The following CFAP47 variants were observed in gnomAD, a reference collection of about 807,000 sequenced individuals.
CFAP47 encodes cilia and flagella associated protein 47, also known as cilia- and flagella-associated protein 47.
Under a neutral mutation model 148.1 loss-of-function variants are expected in CFAP47, and 29 were observed. The ratio of observed to expected loss-of-function variants is 0.20; its 90% CI spans 0.15 to 0.27. The LOEUF (loss-of-function observed/expected upper bound fraction) is 0.27, where lower values mean the gene tolerates loss of function less well. Ranked by LOEUF, CFAP47 falls within the 10% of genes least tolerant of loss-of-function variation. The probability of loss-of-function intolerance (pLI) is 1.00; values close to 1 mark genes in which losing one functional copy is unlikely to be tolerated. For missense variants in CFAP47, 1,872 were observed against 1,697.5 expected (o/e 1.10, Z -1.81); for synonymous variants, 664 against 577.3 (o/e 1.15, Z -2.15).
At chrX:36,253,265 T>C (rs1940713568) in intron 49 of CFAP47, among the ~76,000 whole-genome samples, 1 of 111,545 alleles carries the variant, frequency 9.0e-6, no homozygotes, top group Non-Finnish European at 1.9e-5. Context: ...TTTTGAAAAA[T>C]ATTTACAAGA....
chrX:36,080,697 G>A (rs758257965), intron 29 of CFAP47, among the ~76,000 whole-genome samples: 542 of 111,164 alleles, frequency 4.9e-3, no homozygotes, highest in Non-Finnish European at 7.9e-3. Flanking sequence ...ACCAAACACC[G>A]CATGTTCTCA....
chrX:36,306,704 C>A, intron 54 of CFAP47, 68 bp from the exon 55 acceptor site: 1 of 603,040 alleles, frequency 1.7e-6, no homozygotes, highest in Non-Finnish European at 2.6e-6. Context: ...AGCTAGTACA[C>A]AAAGATACCA....
At chrX:36,182,707 A>G (rs1002076448) in intron 40 of CFAP47, among the ~76,000 whole-genome samples, 3 of 111,994 alleles carry the variant, frequency 2.7e-5, no homozygotes, top group African/African-American at 9.8e-5. Context: ...ATAAAATCCT[A>G]GTATAATCTC....
intron 2 of CFAP47, among the ~76,000 whole-genome samples, chrX:35,932,329 G>A (rs1249393512): frequency 5.0e-5 from 5 of 100,354 alleles, no homozygotes; most frequent in Admixed American, 1.1e-4. Flanking sequence ...GCGCAATCTC[G>A]GCTCACTGAA....
intron 62 of CFAP47, among the ~76,000 whole-genome samples, chrX:36,373,986 G>A (rs1057465955): frequency 9.0e-6 from 1 of 111,109 alleles, no homozygotes; most frequent in African/African-American, 3.3e-5. Flanking sequence ...GATGATTTTT[G>A]CTTTCATGTT....
At chrX:36,026,042 C>T (rs1173934956) in intron 22 of CFAP47, among the ~76,000 whole-genome samples, 2 of 111,497 alleles carry the variant, frequency 1.8e-5, no homozygotes, top group African/African-American at 6.5e-5. Context: ...TTTGTACTTC[C>T]AAAAAGTACA....
At chrX:36,014,378 G>A (rs1311009286) in intron 21 of CFAP47, among the ~76,000 whole-genome samples, 1 of 111,127 alleles carries the variant, frequency 9.0e-6, no homozygotes, top group African/African-American at 3.2e-5. Context: ...TAAAATAACA[G>A]ATTAAACAAT....
In CFAP47 at chrX:35,979,950, G is replaced by A. The variant is rs763973241; in HGVS notation, c.2713+4037G>A. Among the ~76,000 whole-genome samples the A allele has an allele frequency of 4.5e-5, 5 of 112,182 alleles. No homozygotes were observed. In the South Asian group the frequency reaches 1.1e-3, roughly 25 times the overall value. ...ATCAGATGGTTGGTCAGAACCTATA[G>A]CTGGAATGCCGATAATACAACAACC... On this transcript the variant is annotated intron_variant, in intron 15 of 63. Transcript: ENST00000378653.
chrX:36,301,531 T>C (rs1237004164), intron 53 of CFAP47, among the ~76,000 whole-genome samples: 2 of 110,239 alleles, frequency 1.8e-5, no homozygotes, highest in Admixed American at 2.0e-4. Context: ...CAAGCAGATA[T>C]AGACAGAATC....
At chrX:36,150,158 T>C (rs914941818) in intron 37 of CFAP47, among the ~76,000 whole-genome samples, 1 of 111,214 alleles carries the variant, frequency 9.0e-6, no homozygotes, top group Non-Finnish European at 1.9e-5. Flanking sequence ...TAATGTTATA[T>C]GTGTCATTTT....
Position 36,236,702 on chromosome X carries a change from A to C in CFAP47, c.7175A>C (p.Gln2392Pro). ...ECVITGKLIL[Q>P]NEVDGREHIF... The stretch of plus-strand genomic sequence containing the variant: ...TTCTCATAGGGTAAACTTATTCTAC[A>C]AAATGAAGTAGATGGTAGGGAGCAC... Residue 2392 changes from glutamine to proline, a missense_variant, in exon 48 of 64, where the codon CAA (glutamine) becomes CCA (proline). Transcript: ENST00000378653. 1.9e-6 allele frequency: 1 copy of C among 525,203 alleles called. No homozygotes were observed. Among genetic ancestry groups the C allele is most frequent in the Non-Finnish European group, 3.5e-6 (1 of 286,724 alleles). The allele number at this position is 525,203 out of a possible 1,213,427, so 43.3% of individuals were successfully genotyped here. A position where few individuals can be genotyped will look rare whatever the true frequency, so the allele number is the denominator to read the frequency against.
At chrX:36,229,249 G>A (rs1440232760) in intron 46 of CFAP47, among the ~76,000 whole-genome samples, 1 of 111,761 alleles carries the variant, frequency 8.9e-6, no homozygotes, top group Non-Finnish European at 1.9e-5. Context: ...TAAGATAATT[G>A]TAAAGAACTT....
chrX:36,044,967 T>C (rs1417493807), intron 25 of CFAP47, among the ~76,000 whole-genome samples: 1 of 112,423 alleles, frequency 8.9e-6, no homozygotes, highest in Non-Finnish European at 1.9e-5. Flanking sequence ...TCAGTTCTAA[T>C]AGTTTTCTTG....
At chrX:36,093,834 T>C (rs1938228918) in intron 30 of CFAP47, among the ~76,000 whole-genome samples, 1 of 111,165 alleles carries the variant, frequency 9.0e-6, no homozygotes, top group Admixed American at 9.6e-5. Flanking sequence ...TGTCCTATTA[T>C]AGGATTTGTC....
chrX:36,011,318 T>G (rs1429181388), intron 21 of CFAP47, among the ~76,000 whole-genome samples: 1 of 111,990 alleles, frequency 8.9e-6, no homozygotes, highest in African/African-American at 3.2e-5. Flanking sequence ...ACTTACCACT[T>G]GCACTTAGCC....
chrX:36,200,309 CT>C (rs1939966226), intron 42 of CFAP47, 69 bp from the exon 43 acceptor site: 2 of 289,901 alleles, frequency 6.9e-6, no homozygotes, highest in Non-Finnish European at 1.2e-5. Flanking sequence ...GCAGATTTCC[CT>C]TGTAGCAGAA....
chrX:36,344,471 T>G (rs1249633060), intron 57 of CFAP47, among the ~76,000 whole-genome samples: 1 of 111,471 alleles, frequency 9.0e-6, no homozygotes, highest in Non-Finnish European at 1.9e-5. Flanking sequence ...CTGTGGTGAA[T>G]TCAATAATGA....
intron 49 of CFAP47, among the ~76,000 whole-genome samples, chrX:36,263,260 C>CA (rs1556000480): frequency 3.6e-5 from 4 of 112,057 alleles, no homozygotes; most frequent in Non-Finnish European, 7.5e-5. Context: ...TGGCTGCTGT[C>CA]AGACACATGG....
At chrX:36,162,283 T>G (rs1939440168) in intron 39 of CFAP47, among the ~76,000 whole-genome samples, 1 of 111,650 alleles carries the variant, frequency 9.0e-6, no homozygotes, top group Non-Finnish European at 1.9e-5. Flanking sequence ...TCCCTCAAAC[T>G]TAGGCAATGG....
Sources: allele counts gnomAD v4.1 joint callset (sites outside exome capture counted in the v4.1 genomes callset), GRCh38; gene constraint gnomAD v4.1.1; transcripts MANE v1.5; gene names NCBI Gene and HGNC (gene_info 2026-07-23, HGNC 2026-07-21).